The following ZC3H12C variants were observed in gnomAD, a reference collection of about 807,000 sequenced individuals.
The protein encoded by ZC3H12C is zinc finger CCCH-type containing 12C, also known as probable ribonuclease ZC3H12C.
In ZC3H12C, 20 loss-of-function variants were observed where a neutral mutation model predicts 76.3. That is an observed-to-expected ratio of 0.26 (90% CI 0.18 to 0.38). The LOEUF (loss-of-function observed/expected upper bound fraction) is 0.38, where lower values mean the gene tolerates loss of function less well. Among genes scored for constraint, ZC3H12C ranks in the 10% least tolerant of loss-of-function variants. The probability of loss-of-function intolerance (pLI) is 1.00; values close to 1 mark genes in which losing one functional copy is unlikely to be tolerated. For synonymous variants in ZC3H12C, 352 were observed against 399.6 expected (o/e 0.88, Z 1.42); for missense variants, 874 against 1,086.5 (o/e 0.80, Z 2.75).
intron 1 of ZC3H12C, among the ~76,000 whole-genome samples, chr11:110,097,670 TTAA>T (rs1861137447): frequency 6.6e-6 from 1 of 152,172 alleles, no homozygotes; most frequent in Admixed American, 6.5e-5. Flanking sequence ...GTTCCCACAA[TTAA>T]TAATAGCAGA....
At chr11:110,152,457 T>C (rs666865) in intron 2 of ZC3H12C, among the ~76,000 whole-genome samples, 104,671 of 151,978 alleles carry the variant, frequency 0.69, 36,831 homozygotes, top group South Asian at 0.79. Context: ...TCATTGAGTA[T>C]TGAAATATAC....
At chr11:110,143,297 G>A (rs531727975) in intron 2 of ZC3H12C, among the ~76,000 whole-genome samples, 22 of 152,252 alleles carry the variant, frequency 1.4e-4, no homozygotes, top group South Asian at 8.3e-4. Flanking sequence ...CTACGGAATA[G>A]ATGTAAGAGA....
chr11:110,134,657 A>C (rs940968171), intron 1 of ZC3H12C, among the ~76,000 whole-genome samples: 9 of 152,232 alleles, frequency 5.9e-5, no homozygotes, highest in Non-Finnish European at 1.2e-4. Flanking sequence ...ATACAACTTC[A>C]TAATGAAGCA....
chr11:110,152,684 C>G (rs1862294850), intron 2 of ZC3H12C, among the ~76,000 whole-genome samples: 1 of 152,150 alleles, frequency 6.6e-6, no homozygotes, highest in Non-Finnish European at 1.5e-5. Context: ...TTTGAAAACT[C>G]ACTTTTGTTT....
chr11:110,099,143 A>G lies in ZC3H12C; in HGVS notation c.21+5711A>G, dbSNP rs545553813. 2.6e-5 allele frequency among the ~76,000 whole-genome samples: 4 copies of G among 152,358 alleles called. No homozygotes were observed. In the East Asian group the frequency reaches 7.7e-4, roughly 29 times the overall value. On this transcript the variant is annotated intron_variant, in intron 1 of 5. Transcript: ENST00000278590. ...ATTTAATCATTCTACTATTTCAGTT[A>G]GACATGTATTTTTTCCCAGTATTTT...
At chr11:110,149,308 T>C (rs1862226975) in intron 2 of ZC3H12C, among the ~76,000 whole-genome samples, 1 of 152,166 alleles carries the variant, frequency 6.6e-6, no homozygotes, top group Non-Finnish European at 1.5e-5. Context: ...GTTTAAAAGA[T>C]AAGAACAGTA....
intron 2 of ZC3H12C, among the ~76,000 whole-genome samples, chr11:110,148,540 T>C (rs1261314066): frequency 1.3e-5 from 2 of 152,194 alleles, no homozygotes; most frequent in East Asian, 1.9e-4. Context: ...GGGAGACTTT[T>C]TGGCAAACAT....
intron 2 of ZC3H12C, among the ~76,000 whole-genome samples, chr11:110,150,312 T>A (rs187788850): frequency 6.6e-6 from 1 of 151,524 alleles, no homozygotes; most frequent in Admixed American, 6.6e-5. Flanking sequence ...ATATTGTTTT[T>A]TTATTTAAGT....
At chr11:110,124,807 C>T (rs1470796359) in intron 1 of ZC3H12C, among the ~76,000 whole-genome samples, 1 of 113,908 alleles carries the variant, frequency 8.8e-6, no homozygotes, top group Non-Finnish European at 1.8e-5. Context: ...TTGTGATTTG[C>T]AGCTGAGATT....
chr11:110,114,845 A>AG (rs1214438837), intron 1 of ZC3H12C, among the ~76,000 whole-genome samples: 1 of 152,154 alleles, frequency 6.6e-6, no homozygotes. Flanking sequence ...CAGTTATTTT[A>AG]GGGGGAAAAA....
intron 1 of ZC3H12C, among the ~76,000 whole-genome samples, chr11:110,118,701 G>T (rs1861604043): frequency 6.6e-6 from 1 of 152,134 alleles, no homozygotes; most frequent in Non-Finnish European, 1.5e-5. Flanking sequence ...GGAGGCTAAG[G>T]CAGGAGAATT....
intron 2 of ZC3H12C, among the ~76,000 whole-genome samples, chr11:110,146,749 AT>A (rs902863800): frequency 4.0e-5 from 6 of 151,148 alleles, no homozygotes; most frequent in South Asian, 2.1e-4. Context: ...ATCTTTCTAC[AT>A]TTTTTTTTCC....
chr11:110,136,142 TTAA>T (rs1426900684), intron 1 of ZC3H12C: 1 of 152,490 alleles, frequency 6.6e-6, no homozygotes, highest in Non-Finnish European at 1.5e-5. Context: ...TTCATCCAGA[TTAA>T]TAATGATTTT....
chr11:110,134,419 T>G (rs1052478334), intron 1 of ZC3H12C, among the ~76,000 whole-genome samples: 2 of 152,120 alleles, frequency 1.3e-5, no homozygotes, highest in Non-Finnish European at 2.9e-5. Context: ...GTTTTCCTCG[T>G]TTAAGATACT....
intron 1 of ZC3H12C, among the ~76,000 whole-genome samples, chr11:110,119,300 C>G (rs971152671): frequency 2.0e-5 from 3 of 152,154 alleles, no homozygotes; most frequent in Admixed American, 1.3e-4. Context: ...GACCTAAAAC[C>G]TTGCTACTTA....
In ZC3H12C at chr11:110,164,215, G is replaced by T; in HGVS notation, c.1256-126G>T. ...TGACGTTTCTCAAGAGTAAAGAACA[G>T]AGTGACACTTAGCACAGCTCCCATT... On this transcript the variant is annotated intron_variant, in intron 5 of 5. Transcript: ENST00000278590. The surrounding 1 kb of genome is among the most constrained non-coding windows in gnomAD (Gnocchi z 5.7). 1 of 825,858 alleles carries T rather than the reference G, an allele frequency of 1.2e-6. No homozygotes were observed. The highest frequency in any genetic ancestry group is 1.8e-6 in the Non-Finnish European group (1 of 544,222). 51.2% of individuals were successfully genotyped at this position (825,858 alleles called of 1,614,324 possible). A position where few individuals can be genotyped will look rare whatever the true frequency, so the allele number is the denominator to read the frequency against.
chr11:110,117,721 CACAT>C (rs1282929182), intron 1 of ZC3H12C, among the ~76,000 whole-genome samples: 4 of 13,594 alleles, frequency 2.9e-4, no homozygotes, highest in Non-Finnish European at 4.5e-4. Flanking sequence ...TATACACACA[CACAT>C]ATATATATAC....
chr11:110,109,592 T>C (rs561088551), intron 1 of ZC3H12C, among the ~76,000 whole-genome samples: 1 of 152,316 alleles, frequency 6.6e-6, no homozygotes, highest in East Asian at 1.9e-4. Flanking sequence ...CCTAATTTAT[T>C]TATTTCTGCT....
intron 1 of ZC3H12C, among the ~76,000 whole-genome samples, chr11:110,133,058 T>A (rs1861894471): frequency 6.6e-6 from 1 of 152,172 alleles, no homozygotes; most frequent in African/African-American, 2.4e-5. Context: ...TAACAAATAC[T>A]GCAGCCTATT....
Sources: allele counts gnomAD v4.1 joint callset (sites outside exome capture counted in the v4.1 genomes callset), GRCh38; gene constraint gnomAD v4.1.1; non-coding constraint Gnocchi (gnomAD v3.1); transcripts MANE v1.5; gene names NCBI Gene and HGNC (gene_info 2026-07-23, HGNC 2026-07-21).